SDK1: variants seen among roughly 807,000 people sequenced by gnomAD.
The protein encoded by SDK1 is sidekick cell adhesion molecule 1, also known as protein sidekick-1.
A neutral mutation model predicts 245.5 loss-of-function variants in SDK1; 157 were observed. The observed-to-expected ratio is 0.64, with a 90% CI of 0.56 to 0.73. The LOEUF is 0.73. Ranked by LOEUF, SDK1 falls within the 30% of genes least tolerant of loss-of-function variation. The pLI is 0.00. For synonymous variants in SDK1, 1,647 were observed against 1,278.5 expected (o/e 1.29, Z -6.15); for missense variants, 3,583 against 3,002.3 (o/e 1.19, Z -4.52).
chr7:4,150,618 A>G (rs1780299093), intron 30 of SDK1, among the ~76,000 whole-genome samples: 1 of 152,208 alleles, frequency 6.6e-6, no homozygotes, highest in Admixed American at 6.5e-5. Flanking sequence ...TGCCCGTCTC[A>G]GCCCTTCCTG....
intron 5 of SDK1, 105 bp downstream of exon 5, chr7:3,821,688 G>A: frequency 8.0e-7 from 1 of 1,255,548 alleles, no homozygotes; most frequent in Non-Finnish European, 1.1e-6. Flanking sequence ...TCTCTCTCTA[G>A]TGTAGTAGTT....
intron 28 of SDK1, among the ~76,000 whole-genome samples, chr7:4,140,973 A>G (rs1779547320): frequency 6.6e-6 from 1 of 152,206 alleles, no homozygotes; most frequent in Non-Finnish European, 1.5e-5. Flanking sequence ...ATACCAAGAG[A>G]TGAGAACTGA....
At chr7:3,579,543 T>A (rs1489758874) in intron 1 of SDK1, among the ~76,000 whole-genome samples, 1 of 152,192 alleles carries the variant, frequency 6.6e-6, no homozygotes, top group Non-Finnish European at 1.5e-5. Flanking sequence ...AAGAGCCATC[T>A]ATGACAAACC....
At chr7:3,978,525 G>C (rs564008298) in intron 13 of SDK1, among the ~76,000 whole-genome samples, 2 of 152,274 alleles carry the variant, frequency 1.3e-5, no homozygotes, top group South Asian at 4.2e-4. Flanking sequence ...GTTGTTCCTC[G>C]TGAATTGTTA....
At chr7:4,006,397 T>A (rs925404273) in intron 14 of SDK1, among the ~76,000 whole-genome samples, 2 of 152,212 alleles carry the variant, frequency 1.3e-5, no homozygotes, top group Non-Finnish European at 2.9e-5. Context: ...TGGGATGGTT[T>A]CCTTTATCAA....
chr7:3,354,727 A>T (rs1414743346), intron 1 of SDK1, among the ~76,000 whole-genome samples: 1 of 152,248 alleles, frequency 6.6e-6, no homozygotes, highest in Non-Finnish European at 1.5e-5. Flanking sequence ...CTGCTAGCTA[A>T]TATGTTAACC....
intron 22 of SDK1, among the ~76,000 whole-genome samples, chr7:4,091,213 C>T (rs998003130): frequency 6.6e-6 from 1 of 152,204 alleles, no homozygotes; most frequent in East Asian, 1.9e-4. Context: ...GTTATATGTC[C>T]AGCACATCAA....
chr7:3,339,289 CTG>C (rs1780283393), intron 1 of SDK1, among the ~76,000 whole-genome samples: 1 of 152,044 alleles, frequency 6.6e-6, no homozygotes, highest in Non-Finnish European at 1.5e-5. Context: ...GAAGCAAAAA[CTG>C]AGCTGAAAGG....
chr7:3,908,830 T>A (rs550956793), intron 5 of SDK1, among the ~76,000 whole-genome samples: 6,591 of 132,476 alleles, frequency 0.05, 463 homozygotes, highest in African/African-American at 0.19. Flanking sequence ...AAAGAATTCA[T>A]TTTTTTTTTT....
chr7:3,573,224 G>T (rs1456195082), intron 1 of SDK1, among the ~76,000 whole-genome samples: 1 of 152,130 alleles, frequency 6.6e-6, no homozygotes, highest in African/African-American at 2.4e-5. Flanking sequence ...TGGGAGGGTG[G>T]AGGAAGAGTG....
Position 4,123,628 on chromosome 7 carries a change from A to G in SDK1, c.3824-3753A>G, listed in dbSNP as rs561342543. ...CTTTCCGTGACACCTCTCTACTCAA[A>G]TAAATGGATAGTATTTCATAGAAGC... On this transcript the variant is annotated intron_variant, in intron 25 of 44. Coordinates refer to ENST00000404826, the MANE Select transcript of SDK1 (RefSeq NM_152744.4). Among the ~76,000 whole-genome samples, 17 of 152,330 alleles carry G rather than the reference A, an allele frequency of 1.1e-4. No individual in the cohort carries two copies. The South Asian group carries it at 3.5e-3, about 32-fold the overall frequency.
intron 25 of SDK1, among the ~76,000 whole-genome samples, chr7:4,124,508 A>T (rs1176375825): frequency 6.6e-6 from 1 of 152,146 alleles, no homozygotes; most frequent in Admixed American, 6.5e-5. Flanking sequence ...GGCACTAGTC[A>T]TACTGGATCA....
chr7:3,517,575 A>G (rs1409969064), intron 1 of SDK1, among the ~76,000 whole-genome samples: 1 of 152,180 alleles, frequency 6.6e-6, no homozygotes, highest in Non-Finnish European at 1.5e-5. Context: ...AGCCAGGCAC[A>G]TATCACTTTT....
At position 4,082,967 on chromosome 7, in the gene SDK1, C is replaced by T. The variant is rs116414670; in HGVS notation, c.3324+3383C>T. Among the ~76,000 whole-genome samples the T allele has an allele frequency of 4.0e-3, 601 of 152,106 alleles. 6 individuals are homozygous for T. Among genetic ancestry groups the T allele is most frequent in the African/African-American group, 0.014 (562 of 41,498 alleles). On this transcript the variant is annotated intron_variant, in intron 22 of 44. Transcript: ENST00000404826. ...CTAATAGTCAGTTCACACTCAGATT[C>T]CCCCAAATTTTCCAAAACATCTCTT...
At chr7:3,346,827 A>ATATAT (rs1228887289) in intron 1 of SDK1, among the ~76,000 whole-genome samples, 10 of 16,380 alleles carry the variant, frequency 6.1e-4, no homozygotes, top group Admixed American at 1.1e-3. Flanking sequence ...ATATATATAT[A>ATATAT]TTTTTTTTTT....
chr7:3,398,213 T>C (rs1273763272), intron 1 of SDK1, among the ~76,000 whole-genome samples: 2 of 152,132 alleles, frequency 1.3e-5, no homozygotes, highest in African/African-American at 2.4e-5. Context: ...TTATTTTCTT[T>C]GGGCTTCCCT....
intron 5 of SDK1, among the ~76,000 whole-genome samples, chr7:3,948,597 C>T (rs777581377): frequency 8.5e-5 from 13 of 152,214 alleles, no homozygotes; most frequent in Non-Finnish European, 1.0e-4. Flanking sequence ...TGAATCAACA[C>T]GAAGGAGGGC....
At chr7:3,876,759 G>A (rs1470169538) in intron 5 of SDK1, among the ~76,000 whole-genome samples, 1 of 152,126 alleles carries the variant, frequency 6.6e-6, no homozygotes, top group Non-Finnish European at 1.5e-5. Context: ...CAAGATAAGT[G>A]ACCAGGCTTC....
At chr7:3,904,992 C>CA (rs869287759) in intron 5 of SDK1, among the ~76,000 whole-genome samples, 87 of 120,372 alleles carry the variant, frequency 7.2e-4, no homozygotes, top group South Asian at 3.7e-3. Context: ...GACTCCGTCT[C>CA]AAAAAAAAAA....
Sources: gnomAD v4.1 joint callset for allele counts (sites outside exome capture counted in the v4.1 genomes callset) on GRCh38, gnomAD v4.1.1 for gene constraint, MANE v1.5 for transcripts, NCBI Gene and HGNC (gene_info 2026-07-23, HGNC 2026-07-21) for gene names.